SPECC1L: variants seen among roughly 807,000 people sequenced by gnomAD.
SPECC1L encodes sperm antigen with calponin homology and coiled-coil domains 1 like.
Under a neutral mutation model 116.8 loss-of-function variants are expected in SPECC1L, and 40 were observed. The observed-to-expected ratio is 0.34, with a 90% CI of 0.27 to 0.45. The LOEUF is 0.45. SPECC1L is among the 20% of genes least tolerant of loss of function. The pLI, the probability that SPECC1L is intolerant of heterozygous loss-of-function variation, is 1.00. For synonymous variants in SPECC1L, 504 were observed against 500.6 expected (o/e 1.01, Z -0.09); for missense variants, 1,110 against 1,373.6 (o/e 0.81, Z 3.03).
rs2040741792 is a variant in SPECC1L, at chr22:24,322,511, G to A, written c.1531G>A (p.Gly511Ser). The change falls in exon 5 of 17, where the codon GGT (glycine) becomes AGT (serine). Residue 511 changes from glycine to serine, a missense_variant. Transcript: ENST00000314328. ...NARFEREQLL[G>S]VQQHLSNTLK... Reference sequence around the variant, plus strand: ...CCGTTTTGAACGGGAGCAGCTTCTTGGTGTCCAGCAGCATTTAAGCAATAC... The same window carrying A: ...CCGTTTTGAACGGGAGCAGCTTCTTAGTGTCCAGCAGCATTTAAGCAATAC... 6.2e-7 allele frequency: 1 copy of A among 1,614,032 alleles called. No individual in the cohort carries two copies. The highest frequency in any genetic ancestry group is 8.5e-7 in the Non-Finnish European group (1 of 1,180,044).
intron 2 of SPECC1L, among the ~76,000 whole-genome samples, chr22:24,301,637 G>A (rs937505503): frequency 1.3e-5 from 2 of 152,118 alleles, no homozygotes; most frequent in Non-Finnish European, 2.9e-5. Context: ...GTACTCTAAT[G>A]TATGGTTTCT....
At chr22:24,407,788 T>C (rs2042620647) in intron 14 of SPECC1L, among the ~76,000 whole-genome samples, 1 of 152,202 alleles carries the variant, frequency 6.6e-6, no homozygotes, top group African/African-American at 2.4e-5. Context: ...CATTTTGTAG[T>C]GGGCCCTGCA....
rs565264006 is a variant in SPECC1L at position 24,347,722 on chromosome 22, C to T, written c.2743+546C>T. ...CTGGAGTATCACTCTGTCTCCCAGG[C>T]TGGAGTGTAGTGGCACAATCTTGGC... is the stretch of plus-strand genomic sequence containing the variant. On this transcript the variant is annotated intron_variant, in intron 11 of 16. Coordinates refer to ENST00000314328, the MANE Select transcript of SPECC1L (RefSeq NM_015330.6). 3.3e-5 allele frequency among the ~76,000 whole-genome samples: 5 copies of T among 152,086 alleles called. No individual in the cohort carries two copies. In the South Asian group the frequency reaches 1.0e-3, roughly 32 times the overall value.
At chr22:24,301,776 G>A (rs564517395) in intron 2 of SPECC1L, among the ~76,000 whole-genome samples, 24 of 152,188 alleles carry the variant, frequency 1.6e-4, no homozygotes, top group African/African-American at 4.8e-4. Context: ...AGCCAGGCAC[G>A]GTGCTCACGC....
intron 9 of SPECC1L, among the ~76,000 whole-genome samples, chr22:24,336,658 T>C (rs2041065179): frequency 6.6e-6 from 1 of 152,154 alleles, no homozygotes; most frequent in Non-Finnish European, 1.5e-5. Flanking sequence ...TATACACCTA[T>C]TCAAAATGTT....
chr22:24,290,149 A>G (rs967603819), intron 2 of SPECC1L, among the ~76,000 whole-genome samples: 5 of 152,308 alleles, frequency 3.3e-5, no homozygotes, highest in African/African-American at 2.4e-5. Flanking sequence ...TCTCCTGTGG[A>G]TTCACCTTGA....
intron 8 of SPECC1L, among the ~76,000 whole-genome samples, chr22:24,330,773 A>G (rs1011916831): frequency 6.6e-5 from 10 of 152,178 alleles, no homozygotes; most frequent in Non-Finnish European, 1.2e-4. Flanking sequence ...GGAGACAGAT[A>G]TTCTTGGCTC....
At chr22:24,274,955 T>C (rs2048804617) in intron 1 of SPECC1L, among the ~76,000 whole-genome samples, 1 of 152,226 alleles carries the variant, frequency 6.6e-6, no homozygotes, top group African/African-American at 2.4e-5. Flanking sequence ...TCACTTCATC[T>C]GATCATTGCC....
chr22:24,281,421 T>A (rs2048940243), intron 2 of SPECC1L, among the ~76,000 whole-genome samples: 1 of 152,224 alleles, frequency 6.6e-6, no homozygotes, highest in South Asian at 2.1e-4. Context: ...TTAATAAAAT[T>A]GAATCTCCTA....
Position 24,416,698 on chromosome 22 carries a change from A to C in SPECC1L, c.*2075A>C, listed in dbSNP as rs541594351. The C allele has an allele frequency of 6.6e-6, 1 of 152,404 alleles. No homozygotes were observed. The highest frequency in any genetic ancestry group is 1.5e-5 in the Non-Finnish European group (1 of 68,082). 9.4% of individuals were successfully genotyped at this position (152,404 alleles called of 1,614,324 possible). A position where few individuals can be genotyped will look rare whatever the true frequency, so the allele number is the denominator to read the frequency against. On this transcript the variant is annotated 3_prime_UTR_variant, in exon 17 of 17. Coordinates refer to ENST00000314328, the MANE Select transcript of SPECC1L (RefSeq NM_015330.6). ...TTCCCAACTTTATCCCTTGCTGGCC[A>C]TGCGAGCCCAGCCCTGGTGCCTCAT...
intron 14 of SPECC1L, among the ~76,000 whole-genome samples, chr22:24,402,668 C>T (rs1344569411): frequency 2.9e-4 from 44 of 152,164 alleles, no homozygotes; most frequent in Admixed American, 2.7e-3. Context: ...GCGCTCTGCA[C>T]GGCTCAGACA....
intron 14 of SPECC1L, among the ~76,000 whole-genome samples, chr22:24,376,488 T>C (rs764885119): frequency 6.6e-6 from 1 of 152,082 alleles, no homozygotes; most frequent in Non-Finnish European, 1.5e-5. Flanking sequence ...GAATAAACTA[T>C]TTAGGAATAA....
chr22:24,377,124 T>G (rs1247635075), intron 14 of SPECC1L, among the ~76,000 whole-genome samples: 10 of 152,218 alleles, frequency 6.6e-5, no homozygotes, highest in Admixed American at 6.5e-4. Flanking sequence ...TGTGACTGGC[T>G]TCTTTCACTT....
chr22:24,321,511 CAG>C lies in SPECC1L; in HGVS notation c.534_535del (p.Arg178SerfsTer27), dbSNP rs2146477777. 1.2e-6 allele frequency: 2 copies of C among 1,614,232 alleles called. No homozygotes were observed. The highest frequency in any genetic ancestry group is 1.7e-6 in the Non-Finnish European group (2 of 1,180,048). ...KSKSDNQISD[R>X]AALEAKVKDL... The stretch of plus-strand genomic sequence containing the variant: ...CTAAGTCAGACAATCAGATCAGTGA[CAG>C]AGCTGCTTTGGAGGCCAAAGTGAAG... On this transcript the variant is annotated frameshift_variant, in exon 5 of 17. Coordinates refer to ENST00000314328, the MANE Select transcript of SPECC1L (RefSeq NM_015330.6). LOFTEE classifies it high-confidence loss of function.
intron 2 of SPECC1L, among the ~76,000 whole-genome samples, chr22:24,301,194 G>C (rs1243762354): frequency 6.6e-6 from 1 of 152,146 alleles, no homozygotes; most frequent in African/African-American, 2.4e-5. Context: ...TACAGAATGG[G>C]AGAAACTTTT....
chr22:24,402,007 C>T (rs545361966), intron 14 of SPECC1L, among the ~76,000 whole-genome samples: 1 of 152,194 alleles, frequency 6.6e-6, no homozygotes, highest in Non-Finnish European at 1.5e-5. Flanking sequence ...GGCCGCCTGC[C>T]CTGCCTCCTT....
At chr22:24,378,668 A>C (rs1352180062) in intron 14 of SPECC1L, among the ~76,000 whole-genome samples, 1 of 152,178 alleles carries the variant, frequency 6.6e-6, no homozygotes, top group Non-Finnish European at 1.5e-5. Flanking sequence ...TATCTCAAGG[A>C]ATAGGGAAGC....
chr22:24,363,288 G>A lies in SPECC1L; in HGVS notation c.2771G>A (p.Ser924Asn), dbSNP rs547280231. ...CATCTGTTAAGAACATCTTCAGCCA[G>A]CCGGCCTGCTTCCCTGCCAAGAGTG... ...QEHLLRTSSASRPASLPRVPA... is the reference protein window; with the variant it reads ...QEHLLRTSSANRPASLPRVPA... The change falls in exon 12 of 17, where the codon AGC becomes AAC. Residue 924 changes from serine (S) to asparagine (N), a missense_variant. Physicochemically the swap from Ser to Asn is conservative, Grantham distance 46. Transcript: ENST00000314328. The A allele has an allele frequency of 6.2e-7, 1 of 1,614,162 alleles. No individual in the cohort carries two copies. Among genetic ancestry groups the A allele is most frequent in the African/African-American group, 1.3e-5 (1 of 75,056 alleles).
At chr22:24,318,118 G>T (rs2040638888) in intron 4 of SPECC1L, among the ~76,000 whole-genome samples, 1 of 146,242 alleles carries the variant, frequency 6.8e-6, no homozygotes, top group Non-Finnish European at 1.5e-5. Context: ...CCCAGACGGG[G>T]TGGGGCCGGG....
Sources: allele counts gnomAD v4.1 joint callset (sites outside exome capture counted in the v4.1 genomes callset), GRCh38; gene constraint gnomAD v4.1.1; transcripts MANE v1.5; gene names NCBI Gene and HGNC (gene_info 2026-07-23, HGNC 2026-07-21).